CIT: variants seen among roughly 807,000 people sequenced by gnomAD.
CIT encodes citron rho-interacting serine/threonine kinase, also known as citron Rho-interacting kinase.
In CIT, 79 loss-of-function variants were observed where a neutral mutation model predicts 272.7. That is an observed-to-expected ratio of 0.29 (90% CI 0.24 to 0.35). The LOEUF is 0.35. Ranked by LOEUF, CIT falls within the 10% of genes least tolerant of loss-of-function variation. The pLI, the probability that CIT is intolerant of heterozygous loss-of-function variation, is 1.00. For missense variants in CIT, 1,909 were observed against 2,618.3 expected (o/e 0.73, Z 5.91); for synonymous variants, 948 against 995.6 (o/e 0.95, Z 0.90).
At position 119,850,239 on chromosome 12, in the gene CIT, G is replaced by T. The variant is rs56076344; in HGVS notation, c.451C>A (p.Arg151=). 6.2e-7 allele frequency: 1 copy of T among 1,613,340 alleles called. No individual in the cohort carries two copies. The change falls in exon 5 of 48, where the codon CGA becomes AGA. Residue 151 remains arginine, a synonymous_variant. Coordinates refer to ENST00000392521, the MANE Select transcript of CIT (RefSeq NM_001206999.2). The part of the protein sequence containing the change: ...FFEEERNILS[R]STSPWIPQLQ... ...TGGGGGATCCACGGGCTTGTGCTTC[G>T]AGATAATATGTTCCGCTCTTCCTCA...
intron 9 of CIT, among the ~76,000 whole-genome samples, chr12:119,814,987 G>A (rs1362345212): frequency 6.7e-6 from 1 of 149,410 alleles, no homozygotes; most frequent in East Asian, 2.0e-4. Context: ...GCAGTGAGCC[G>A]AGATCGTGCC....
At chr12:119,733,684 G>A (rs1005217098) in intron 26 of CIT, among the ~76,000 whole-genome samples, 2 of 152,108 alleles carry the variant, frequency 1.3e-5, no homozygotes, top group African/African-American at 4.8e-5. Context: ...GGCATCTAGT[G>A]AGTAGAGACT....
intron 32 of CIT, 22 bp from the exon 33 acceptor site, chr12:119,714,356 A>G: frequency 6.2e-7 from 1 of 1,613,638 alleles, no homozygotes; most frequent in South Asian, 1.1e-5. Context: ...TGTTTTAAAA[A>G]ATCATTAGAG....
chr12:119,774,873 C>T (rs1003384724), intron 16 of CIT, among the ~76,000 whole-genome samples: 4 of 152,086 alleles, frequency 2.6e-5, no homozygotes, highest in Non-Finnish European at 4.4e-5. Context: ...ACCCAGGAGG[C>T]GGAGGTGGGA....
chr12:119,867,691 A>G (rs1053036647), intron 3 of CIT, among the ~76,000 whole-genome samples: 162 of 151,832 alleles, frequency 1.1e-3, no homozygotes, highest in African/African-American at 3.9e-3. Flanking sequence ...CTTCCCCCCA[A>G]ACTCACACAC....
chr12:119,748,846 C>T (rs978688284), intron 23 of CIT, among the ~76,000 whole-genome samples: 8 of 152,216 alleles, frequency 5.3e-5, no homozygotes, highest in African/African-American at 1.9e-4. Flanking sequence ...ACAGAGCACA[C>T]AGCACGCCTC....
intron 23 of CIT, among the ~76,000 whole-genome samples, chr12:119,749,629 T>C (rs773376416): frequency 3.3e-5 from 5 of 152,222 alleles, no homozygotes; most frequent in East Asian, 1.9e-4. Context: ...AAGGCACTTC[T>C]GCCATCATTT....
chr12:119,742,461 G>C lies in CIT; in HGVS notation c.2908C>G (p.His970Asp), dbSNP rs1380053570. Residue 970 changes from histidine (H) to aspartate (D), a missense_variant, in exon 24 of 48, where the codon CAT becomes GAT. Transcript: ENST00000392521. Reference protein sequence around the residue: ...AEEEIQALTAHRDEIQRKFDA... With the variant: ...AEEEIQALTADRDEIQRKFDA... Reference sequence around the variant, plus strand: ...AATTTGCGCTGGATTTCATCTCTATGTGCCTAAAAGGTAAGAAGTTGATTA... The same window carrying C: ...AATTTGCGCTGGATTTCATCTCTATCTGCCTAAAAGGTAAGAAGTTGATTA... The C allele has an allele frequency of 6.2e-7, 1 of 1,609,574 alleles. No individual in the cohort carries two copies. The highest frequency in any genetic ancestry group is 1.3e-5 in the African/African-American group (1 of 74,720).
chr12:119,849,846 C>T (rs560390850), intron 5 of CIT, among the ~76,000 whole-genome samples: 1 of 152,160 alleles, frequency 6.6e-6, no homozygotes, highest in East Asian at 1.9e-4. Flanking sequence ...ACACCATGCC[C>T]GGCTAATTTT....
At chr12:119,861,075 C>A (rs1174674379) in intron 3 of CIT, among the ~76,000 whole-genome samples, 1 of 151,044 alleles carries the variant, frequency 6.6e-6, no homozygotes, top group Non-Finnish European at 1.5e-5. Flanking sequence ...GAGCCGAGAT[C>A]AAGCCACTGC....
chr12:119,790,156 G>A (rs1013459413), intron 10 of CIT, among the ~76,000 whole-genome samples: 1 of 152,016 alleles, frequency 6.6e-6, no homozygotes, highest in African/African-American at 2.4e-5. Context: ...TGGCCTCAGA[G>A]TCACCAGTTA....
At chr12:119,844,608 T>C (rs921886629) in intron 5 of CIT, among the ~76,000 whole-genome samples, 2 of 152,200 alleles carry the variant, frequency 1.3e-5, no homozygotes, top group Admixed American at 6.5e-5. Context: ...TTAATTTCCA[T>C]GCTAAATTTG....
At chr12:119,744,201 T>G (rs1959174977) in intron 23 of CIT, among the ~76,000 whole-genome samples, 1 of 152,000 alleles carries the variant, frequency 6.6e-6, no homozygotes, top group African/African-American at 2.4e-5. Flanking sequence ...TGGATGAAAC[T>G]GAGATCTCCT....
intron 15 of CIT, among the ~76,000 whole-genome samples, chr12:119,776,077 G>A (rs1963720462): frequency 2.0e-5 from 3 of 152,102 alleles, no homozygotes; most frequent in South Asian, 2.1e-4. Context: ...AGAGAAAGTC[G>A]CTCAGTCCTT....
intron 9 of CIT, among the ~76,000 whole-genome samples, chr12:119,817,660 C>T (rs1967315929): frequency 6.6e-6 from 1 of 152,148 alleles, no homozygotes; most frequent in Admixed American, 6.5e-5. Context: ...ACTCTAAATT[C>T]AATGAAGGTA....
intron 3 of CIT, among the ~76,000 whole-genome samples, chr12:119,864,755 A>C (rs1950467899): frequency 1.3e-5 from 2 of 152,242 alleles, no homozygotes; most frequent in South Asian, 4.1e-4. Flanking sequence ...GTATTTACTA[A>C]GGACTTAACA....
intron 21 of CIT, among the ~76,000 whole-genome samples, chr12:119,757,990 T>C (rs994286911): frequency 6.6e-6 from 1 of 152,024 alleles, no homozygotes; most frequent in African/African-American, 2.4e-5. Flanking sequence ...CTCCCTCACC[T>C]CTCCAGCAAA....
intron 4 of CIT, among the ~76,000 whole-genome samples, chr12:119,857,272 G>A (rs1297585649): frequency 2.0e-5 from 3 of 152,136 alleles, no homozygotes; most frequent in Non-Finnish European, 2.9e-5. Flanking sequence ...AGGCCACCTT[G>A]GTTCTGAAAT....
rs1164876813 is a variant in CIT, at chr12:119,721,423, G to A, written c.3618C>T (p.Asp1206=). 1 of 1,609,302 alleles carries A rather than the reference G, an allele frequency of 6.2e-7. No individual in the cohort carries two copies. Among genetic ancestry groups the A allele is most frequent in the East Asian group, 2.2e-5 (1 of 44,764 alleles). The change falls in exon 29 of 48, where the codon GAC becomes GAT. Residue 1206 remains aspartate (D), a synonymous_variant. Transcript: ENST00000392521. ...EEQAKLQQQM[D]LQKNHIFRLT... is the part of the protein sequence containing the mutation. Reference sequence around the variant, plus strand: ...GACGGAAAATGTGATTTTTCTGCAGGTCCATCTGCTGCTGTAATTTGGCTT... The same window carrying A: ...GACGGAAAATGTGATTTTTCTGCAGATCCATCTGCTGCTGTAATTTGGCTT...
Sources: gnomAD v4.1 joint callset for allele counts (sites outside exome capture counted in the v4.1 genomes callset) on GRCh38, gnomAD v4.1.1 for gene constraint, MANE v1.5 for transcripts, NCBI Gene and HGNC (gene_info 2026-07-23, HGNC 2026-07-21) for gene names.